DRP2: variants seen among roughly 807,000 people sequenced by gnomAD.
DRP2 encodes dystrophin related protein 2, also known as dystrophin-related protein 2.
In DRP2, 29 loss-of-function variants were observed where a neutral mutation model predicts 78.2. That is an observed-to-expected ratio of 0.37 (90% confidence interval 0.28 to 0.51). The LOEUF is 0.51. Among genes scored for constraint, DRP2 ranks in the 20% least tolerant of loss-of-function variants. The pLI is 0.94. For synonymous variants in DRP2, 290 were observed against 281.9 expected, an observed-to-expected ratio of 1.03 and a Z score of -0.29; for missense variants, 686 against 770.6, an observed-to-expected ratio of 0.89 and a Z score of 1.30.
Position 101,258,697 on chromosome X carries a change from G to GT in DRP2, c.2628+152dup. 3 of 492,766 alleles carry GT rather than the reference G, an allele frequency of 6.1e-6. No individual in the cohort carries two copies. In the South Asian group the frequency reaches 1.0e-4, roughly 17 times the overall value. 40.6% of individuals were successfully genotyped at this position (492,766 alleles called of 1,213,427 possible). A position where few individuals can be genotyped will look rare whatever the true frequency, so the allele number is the denominator to read the frequency against. On this transcript the variant is annotated intron_variant, in intron 22 of 23. Coordinates refer to ENST00000395209, the MANE Select transcript of DRP2 (RefSeq NM_001939.3). ...CTGAAGAGAACTGGGCCTGCGGTTG[G>GT]TGGGGGGGCGGGGGAAAGAAGAGAC...
intron 2 of DRP2, 151 bp from the exon 3 acceptor site, chrX:101,231,434 A>G: frequency 2.3e-6 from 1 of 444,223 alleles, no homozygotes; most frequent in Non-Finnish European, 4.0e-6. Context: ...TCAATAATTA[A>G]ATAAAGTATT....
At position 101,239,043 on chromosome X, in the gene DRP2, G is replaced by A. The variant is rs948141720; in HGVS notation, c.501G>A (p.Gln167=). The A allele has an allele frequency of 4.1e-6, 5 of 1,209,308 alleles. No individual in the cohort carries two copies. The African/African-American group carries it at 7.0e-5, about 17-fold the overall frequency. The change falls in exon 6 of 24, where the codon CAG becomes CAA. Residue 167 remains glutamine (Q), a synonymous_variant. Transcript: ENST00000395209. ...PYIYSVLESA[Q]AFLSQHPFEE... ...TCTATTCTGTGCTGGAGTCAGCTCA[G>A]GCCTTCCTGTCCCAGCACCCATTTG...
Position 101,241,712 on chromosome X carries a change from T to C in DRP2, c.604T>C (p.Trp202Arg). The C allele has an allele frequency of 1.7e-6, 2 of 1,211,799 alleles. No homozygotes were observed. Among genetic ancestry groups the C allele is most frequent in the African/African-American group, 3.5e-5 (2 of 57,795 alleles). ...GATCCAGAATCTCAGCCGCTTTGTATGGAAGCAGGCGACGGTGGCCAGTGA... is the reference window on the plus strand; with the variant it reads ...GATCCAGAATCTCAGCCGCTTTGTACGGAAGCAGGCGACGGTGGCCAGTGA... ...QRIQNLSRFV[W>R]KQATVASELW... The change falls in exon 7 of 24, where the codon TGG (tryptophan) becomes CGG (arginine). Residue 202 changes from tryptophan (W) to arginine (R), a missense_variant. Trp to Arg is a moderately radical substitution (Grantham distance 101, BLOSUM62 -3). This residue lies in a region of DRP2 where 263 missense variants were observed against 239.1 expected (regional missense o/e 1.10). Coordinates refer to ENST00000395209, the MANE Select transcript of DRP2 (RefSeq NM_001939.3).
chrX:101,245,218 C>A, intron 10 of DRP2, 141 bp downstream of exon 10: 1 of 815,225 alleles, frequency 1.2e-6, no homozygotes, highest in Non-Finnish European at 1.8e-6. Context: ...ATCTCAAGAT[C>A]TCAAGATTCT....
intron 1 of DRP2, among the ~76,000 whole-genome samples, chrX:101,224,316 G>A (rs1243204110): frequency 1.1e-5 from 1 of 94,927 alleles, no homozygotes; most frequent in African/African-American, 3.9e-5. Flanking sequence ...CCCAGGAGGC[G>A]GAGGTTGCAG....
At position 101,231,776 on chromosome X, in the gene DRP2, A is replaced by C; in HGVS notation, c.117+12A>C. ...GCCCCCACCCTCAGGTAAGAGTCTG[A>C]TAGTGAAAGAAAGACCTGTGGAGAA... is the stretch of plus-strand genomic sequence containing the variant. On this transcript the variant is annotated intron_variant, in intron 3 of 23. Coordinates refer to ENST00000395209, the MANE Select transcript of DRP2 (RefSeq NM_001939.3). 8.5e-7 allele frequency: 1 copy of C among 1,182,324 alleles called. No homozygotes were observed. Among genetic ancestry groups the C allele is most frequent in the Non-Finnish European group, 1.1e-6 (1 of 872,722 alleles).
chrX:101,249,329 C>T (rs1434180941), intron 14 of DRP2, among the ~76,000 whole-genome samples: 1 of 112,343 alleles, frequency 8.9e-6, no homozygotes, highest in East Asian at 2.8e-4. Flanking sequence ...AGAAAAGAGA[C>T]AGATGACAGC....
rs374702847 is a variant in DRP2 at position 101,248,059 on chromosome X, T to A, written c.1253-30T>A. On this transcript the variant is annotated intron_variant, in intron 12 of 23. Transcript: ENST00000395209. ...CCTGGGGTTCTACTTTTGGCTATAT[T>A]TTTTTTCTCTTCTCTTCTTTCCTTA... 3.5e-4 allele frequency: 419 copies of A among 1,190,322 alleles called. 1 individual carries two copies. The African/African-American group carries it at 5.6e-3, about 16-fold the overall frequency.
chrX:101,250,865 G>T, intron 15 of DRP2, 52 bp from the exon 16 acceptor site: 1 of 1,191,462 alleles, frequency 8.4e-7, no homozygotes, highest in Non-Finnish European at 1.1e-6. Flanking sequence ...CCATTCTAGG[G>T]ATAAGACACT....
intron 14 of DRP2, among the ~76,000 whole-genome samples, chrX:101,248,997 G>A (rs749916576): frequency 2.2e-4 from 25 of 112,085 alleles, no homozygotes; most frequent in African/African-American, 7.5e-4. Flanking sequence ...CACAGGCAGG[G>A]CACAATAATA....
Position 101,235,918 on chromosome X carries a change from T to G in DRP2, c.176T>G (p.Leu59Arg), listed in dbSNP as rs142761197. The G allele has an allele frequency of 2.6e-5, 31 of 1,210,320 alleles. No homozygotes were observed. The African/African-American group carries it at 5.4e-4, about 21-fold the overall frequency. Residue 59 changes from leucine (L) to arginine (R), a missense_variant, in exon 4 of 24, where the codon CTA (leucine) becomes CGA (arginine). By Grantham distance (102) the Leu-to-Arg change is moderately radical (BLOSUM62 -2). Coordinates refer to ENST00000395209, the MANE Select transcript of DRP2 (RefSeq NM_001939.3). ...PPQDGAGVPC[L>R]SLKLLNGSVG... ...CAAGATGGTGCTGGGGTTCCCTGCC[T>G]AAGCCTAAAGCTGTTGAACGGGTCT...
chrX:101,250,046 G>A (rs1235659146), intron 14 of DRP2, among the ~76,000 whole-genome samples: 1 of 111,150 alleles, frequency 9.0e-6, no homozygotes, highest in African/African-American at 3.3e-5. Flanking sequence ...CCCTGAGCCC[G>A]TACCCCATCA....
In DRP2 at chrX:101,247,886, T is replaced by A. The variant is rs190046779; in HGVS notation, c.1253-203T>A. On this transcript the variant is annotated intron_variant, in intron 12 of 23. Coordinates refer to ENST00000395209, the MANE Select transcript of DRP2 (RefSeq NM_001939.3). ...AAGAACATTGGATATAAAAACATGT[T>A]GGGTTAATTTGAGGAACATTTTGCT... Among the ~76,000 whole-genome samples the A allele has an allele frequency of 5.3e-5, 6 of 112,413 alleles. No individual in the cohort carries two copies. In the East Asian group the frequency reaches 1.4e-3, roughly 26 times the overall value.
chrX:101,233,543 A>G (rs1343580107), intron 3 of DRP2, among the ~76,000 whole-genome samples: 1 of 112,146 alleles, frequency 8.9e-6, no homozygotes, highest in Non-Finnish European at 1.9e-5. Context: ...TCTGTGGGAG[A>G]TAAATAAGGA....
intron 14 of DRP2, among the ~76,000 whole-genome samples, chrX:101,249,634 G>T (rs768199912): frequency 1.8e-5 from 2 of 111,355 alleles, no homozygotes; most frequent in Middle Eastern, 4.6e-3. Context: ...AGAGGTTCAT[G>T]ACTTACCTAT....
intron 21 of DRP2, among the ~76,000 whole-genome samples, chrX:101,257,446 A>AAAT (rs1335160150): frequency 9.2e-6 from 1 of 108,710 alleles, no homozygotes; most frequent in East Asian, 2.9e-4. Flanking sequence ...AAAAAAAAAA[A>AAAT]AAAAGAGAGA....
chrX:101,244,992 TTC>T (rs746573511), intron 9 of DRP2, 23 bp from the exon 10 acceptor site: 109 of 1,195,954 alleles, frequency 9.1e-5, no homozygotes, highest in Non-Finnish European at 8.4e-5. Flanking sequence ...CCAGCTTTTT[TTC>T]TCTTTCTCTT....
intron 2 of DRP2, 60 bp downstream of exon 2, chrX:101,224,766 G>A (rs2092915028): frequency 8.9e-6 from 1 of 112,594 alleles, no homozygotes; most frequent in Admixed American, 9.4e-5. Flanking sequence ...GTAAGGTTGG[G>A]GAGCTTGTCC....
intron 7 of DRP2, 119 bp from the exon 8 acceptor site, chrX:101,242,206 G>A (rs968494599): frequency 9.6e-7 from 1 of 1,046,259 alleles, no homozygotes; most frequent in Non-Finnish European, 1.3e-6. Context: ...TAATAGGCAA[G>A]CACTAGGCTG....
Sources: gnomAD v4.1 joint callset for allele counts (sites outside exome capture counted in the v4.1 genomes callset) on GRCh38, gnomAD v4.1.1 for gene constraint, gnomAD v4.1.1 regional missense constraint, MANE v1.5 for transcripts, NCBI Gene and HGNC (gene_info 2026-07-23, HGNC 2026-07-21) for gene names.